The following YWHAQ variants were observed in gnomAD, a reference collection of about 807,000 sequenced individuals.
YWHAQ encodes the protein 14-3-3 protein theta.
YWHAQ carries 6 observed loss-of-function variants against 28.3 expected under a neutral mutation model. The observed-to-expected ratio is 0.21, with a 90% CI of 0.12 to 0.42. The LOEUF (loss-of-function observed/expected upper bound fraction) is 0.42, where lower values mean the gene tolerates loss of function less well. YWHAQ is among the 10% of genes least tolerant of loss of function. The pLI is 1.00. For synonymous variants in YWHAQ, 143 were observed against 119.1 expected, an observed-to-expected ratio of 1.20 and a Z score of -1.31; for missense variants, 201 against 305.6, an observed-to-expected ratio of 0.66 and a Z score of 2.55.
At chr2:9,611,053 T>C (rs1044222913) in intron 2 of YWHAQ, among the ~76,000 whole-genome samples, 1 of 152,186 alleles carries the variant, frequency 6.6e-6, no homozygotes, top group Non-Finnish European at 1.5e-5. Flanking sequence ...GTAAGCATAG[T>C]ATACTTTGAG....
intron 2 of YWHAQ, among the ~76,000 whole-genome samples, chr2:9,608,143 T>G (rs1666872837): frequency 6.6e-6 from 1 of 152,214 alleles, no homozygotes; most frequent in Non-Finnish European, 1.5e-5. Context: ...GACTTTCTGG[T>G]TCCGGCAACA....
At chr2:9,607,683 A>G (rs1010599930) in intron 2 of YWHAQ, among the ~76,000 whole-genome samples, 1 of 150,976 alleles carries the variant, frequency 6.6e-6, no homozygotes, top group African/African-American at 2.4e-5. Context: ...AAATGGTAAC[A>G]CATTTTAAAG....
chr2:9,589,131 CAAAA>C (rs1388950912), intron 3 of YWHAQ, among the ~76,000 whole-genome samples: 3 of 151,682 alleles, frequency 2.0e-5, no homozygotes, highest in Non-Finnish European at 2.9e-5. Flanking sequence ...ACAAACAAAA[CAAAA>C]AACCAGTTTA....
chr2:9,611,573 C>A (rs1017219924), intron 2 of YWHAQ, among the ~76,000 whole-genome samples: 1 of 152,174 alleles, frequency 6.6e-6, no homozygotes. Context: ...GGAAATACCC[C>A]CCAACACATA....
At chr2:9,629,227 C>G (rs10520030) in intron 2 of YWHAQ, among the ~76,000 whole-genome samples, 4,931 of 152,124 alleles carry the variant, frequency 0.032, 236 homozygotes, top group African/African-American at 0.11. Flanking sequence ...AAAAGGCAAA[C>G]CATATGAGAT....
chr2:9,600,323 C>T (rs2125065889), intron 2 of YWHAQ, among the ~76,000 whole-genome samples: 1 of 152,312 alleles, frequency 6.6e-6, no homozygotes, highest in South Asian at 2.1e-4. Context: ...GTTGATAGAG[C>T]AGTGGCAGGG....
chr2:9,625,795 C>G (rs765734736), intron 2 of YWHAQ, among the ~76,000 whole-genome samples: 12 of 152,076 alleles, frequency 7.9e-5, no homozygotes, highest in Non-Finnish European at 1.6e-4. Flanking sequence ...AAGGCAGGCA[C>G]CATCATCAAT....
chr2:9,594,951 T>C (rs1211922047), intron 2 of YWHAQ, among the ~76,000 whole-genome samples: 2 of 152,256 alleles, frequency 1.3e-5, no homozygotes, highest in Non-Finnish European at 2.9e-5. Flanking sequence ...CTGCATTCAT[T>C]ACAACACAGC....
At position 9,584,948 on chromosome 2, in the gene YWHAQ, C is replaced by T. The variant is rs1487926800; in HGVS notation, c.*338G>A. ...GTAATTAACTACATTTTCTTATTTT[C>T]ACAGTAATACAAAACACAGTCACTT... On this transcript the variant is annotated 3_prime_UTR_variant, in exon 6 of 6. Transcript: ENST00000238081. 4.5e-6 allele frequency: 1 copy of T among 223,580 alleles called. No homozygotes were observed. Among genetic ancestry groups the T allele is most frequent in the African/African-American group, 2.3e-5 (1 of 43,622 alleles). 13.8% of individuals were successfully genotyped at this position (223,580 alleles called of 1,614,324 possible). A position where few individuals can be genotyped will look rare whatever the true frequency, so the allele number is the denominator to read the frequency against.
intron 2 of YWHAQ, among the ~76,000 whole-genome samples, chr2:9,591,791 G>A (rs1666459888): frequency 6.6e-6 from 1 of 152,232 alleles, no homozygotes; most frequent in African/African-American, 2.4e-5. Flanking sequence ...CAGCCTATCT[G>A]TTCACTCATC....
chr2:9,602,506 C>T (rs895253210), intron 2 of YWHAQ, among the ~76,000 whole-genome samples: 3 of 150,418 alleles, frequency 2.0e-5, no homozygotes, highest in African/African-American at 5.0e-5. Context: ...AATACACCTA[C>T]GCACATTTTT....
chr2:9,599,542 G>A (rs1289869841), intron 2 of YWHAQ, among the ~76,000 whole-genome samples: 2 of 152,054 alleles, frequency 1.3e-5, no homozygotes, highest in African/African-American at 4.8e-5. Flanking sequence ...AAATCCTAGG[G>A]TCCTTAAGAA....
At chr2:9,591,597 C>T (rs999803012) in intron 2 of YWHAQ, 82 bp from the exon 3 acceptor site, 83 of 1,497,174 alleles carry the variant, frequency 5.5e-5, no homozygotes, top group East Asian at 6.9e-5. Flanking sequence ...TTCTGCCTAG[C>T]GGGCATTTCA....
intron 2 of YWHAQ, among the ~76,000 whole-genome samples, chr2:9,612,855 T>C (rs760093007): frequency 6.6e-6 from 1 of 152,246 alleles, no homozygotes; most frequent in Non-Finnish European, 1.5e-5. Flanking sequence ...TGACTGGTCA[T>C]GAAGGTCATC....
chr2:9,586,123 T>C (rs910250995), intron 5 of YWHAQ, among the ~76,000 whole-genome samples: 5 of 152,086 alleles, frequency 3.3e-5, no homozygotes, highest in Non-Finnish European at 2.9e-5. Flanking sequence ...GGCTAAACTA[T>C]AGGAAAAGCA....
chr2:9,585,814 G>A lies in YWHAQ; in HGVS notation c.679-469C>T, dbSNP rs139110079. Among the ~76,000 whole-genome samples the A allele has an allele frequency of 4.2e-3, 643 of 151,612 alleles. 5 individuals carry two copies. The highest frequency in any genetic ancestry group is 0.015 in the African/African-American group (614 of 41,270). On this transcript the variant is annotated intron_variant, in intron 5 of 5. Coordinates refer to ENST00000238081, the MANE Select transcript of YWHAQ (RefSeq NM_006826.4). ...TACAGTCCTAACTACTCAGGAGGCT[G>A]AGGCAGGAGGACTGCTTGAATCCAG...
intron 2 of YWHAQ, among the ~76,000 whole-genome samples, chr2:9,613,186 A>G (rs1666984213): frequency 1.3e-5 from 2 of 152,222 alleles, no homozygotes; most frequent in South Asian, 4.1e-4. Context: ...CTTCATATGG[A>G]GCACTCATTA....
At chr2:9,609,789 A>G (rs1666908885) in intron 2 of YWHAQ, among the ~76,000 whole-genome samples, 1 of 152,256 alleles carries the variant, frequency 6.6e-6, no homozygotes, top group African/African-American at 2.4e-5. Flanking sequence ...AACCAATTAA[A>G]GCACCACACA....
intron 2 of YWHAQ, among the ~76,000 whole-genome samples, chr2:9,614,844 C>T (rs1667014988): frequency 1.3e-5 from 2 of 152,160 alleles, no homozygotes. Context: ...TATACAACCC[C>T]TTCCTGCCTC....
Sources: gnomAD v4.1 joint callset for allele counts (sites outside exome capture counted in the v4.1 genomes callset) on GRCh38, gnomAD v4.1.1 for gene constraint, MANE v1.5 for transcripts, NCBI Gene and HGNC (gene_info 2026-07-23, HGNC 2026-07-21) for gene names.